The following SLC5A3 variants were observed in gnomAD, a reference collection of about 807,000 sequenced individuals.
SLC5A3 encodes the protein solute carrier family 5 member 3.
Under a neutral mutation model 43.2 loss-of-function variants are expected in SLC5A3, and 10 were observed. The ratio of observed to expected loss-of-function variants is 0.23; its 90% CI spans 0.14 to 0.39. The LOEUF (loss-of-function observed/expected upper bound fraction) is 0.39, where lower values mean the gene tolerates loss of function less well. SLC5A3 is among the 10% of genes least tolerant of loss of function. The pLI is 1.00. For missense variants in SLC5A3, 608 were observed against 893.4 expected (o/e 0.68, Z 4.07); for synonymous variants, 349 against 322.0 (o/e 1.08, Z -0.90).
intron 1 of SLC5A3, among the ~76,000 whole-genome samples, chr21:34,074,445 C>G (rs958685576): frequency 1.3e-5 from 2 of 152,228 alleles, no homozygotes; most frequent in African/African-American, 4.8e-5. Flanking sequence ...CCAGAAGACA[C>G]TTTCTTCCCC....
At chr21:34,075,649 A>G (rs1989311706) in intron 1 of SLC5A3, among the ~76,000 whole-genome samples, 1 of 152,242 alleles carries the variant, frequency 6.6e-6, no homozygotes, top group Non-Finnish European at 1.5e-5. Context: ...GTGGTGACTT[A>G]TGTACAATGG....
In SLC5A3 at chr21:34,098,211, G is replaced by A. The variant is rs1294037329; in HGVS notation, c.*856G>A. The A allele has an allele frequency of 2.0e-6, 2 of 999,308 alleles. No homozygotes were observed. The highest frequency in any genetic ancestry group is 4.7e-5 in the South Asian group (1 of 21,266). 61.9% of individuals were successfully genotyped at this position (999,308 alleles called of 1,614,324 possible). On this transcript the variant is annotated 3_prime_UTR_variant, in exon 2 of 2. Coordinates refer to ENST00000381151, the MANE Select transcript of SLC5A3 (RefSeq NM_006933.7). ...CCTAAGCAGTGTTTGATTAACTTAT[G>A]CTAATCAGATGATTACTCATATATT...
intron 1 of SLC5A3, among the ~76,000 whole-genome samples, chr21:34,078,320 G>A (rs1228777742): frequency 1.3e-5 from 2 of 152,136 alleles, no homozygotes; most frequent in Non-Finnish European, 2.9e-5. Context: ...TTGGGTTACA[G>A]CTTATTGCCG....
At chr21:34,078,016 A>T (rs1989374281) in intron 1 of SLC5A3, among the ~76,000 whole-genome samples, 2 of 152,166 alleles carry the variant, frequency 1.3e-5, no homozygotes, top group Admixed American at 1.3e-4. Flanking sequence ...CTGAAGTATG[A>T]GTCAGGTCAA....
At chr21:34,092,236 AGC>A (rs1346803348) in intron 1 of SLC5A3, among the ~76,000 whole-genome samples, 5 of 152,218 alleles carry the variant, frequency 3.3e-5, no homozygotes, top group African/African-American at 1.2e-4. Context: ...TGTAAAATAT[AGC>A]TGCATTGCAT....
At position 34,099,959 on chromosome 21, in the gene SLC5A3, A is replaced by T; in HGVS notation, c.*2604A>T. The T allele has an allele frequency of 2.2e-6, 1 of 453,636 alleles. No homozygotes were observed. The highest frequency in any genetic ancestry group is 3.0e-6 in the Non-Finnish European group (1 of 330,812). 28.1% of individuals were successfully genotyped at this position (453,636 alleles called of 1,614,324 possible). A position where few individuals can be genotyped will look rare whatever the true frequency, so the allele number is the denominator to read the frequency against. Reference sequence around the variant, plus strand: ...ACCAGTCTTCAATCTATATTTCATTAGAATGATTGTTCCTGGAATGATCAT... The same window carrying T: ...ACCAGTCTTCAATCTATATTTCATTTGAATGATTGTTCCTGGAATGATCAT... On this transcript the variant is annotated 3_prime_UTR_variant, in exon 2 of 2. Coordinates refer to ENST00000381151, the MANE Select transcript of SLC5A3 (RefSeq NM_006933.7).
At position 34,102,786 on chromosome 21, in the gene SLC5A3, A is replaced by G. The variant is rs559034080; in HGVS notation, c.*5431A>G. The G allele has an allele frequency of 9.5e-5, 95 of 1,000,124 alleles. No individual in the cohort carries two copies. Among genetic ancestry groups the G allele is most frequent in the African/African-American group, 9.1e-4 (52 of 57,352 alleles). 62.0% of individuals were successfully genotyped at this position (1,000,124 alleles called of 1,614,324 possible). A position where few individuals can be genotyped will look rare whatever the true frequency, so the allele number is the denominator to read the frequency against. On this transcript the variant is annotated 3_prime_UTR_variant, in exon 2 of 2. Coordinates refer to ENST00000381151, the MANE Select transcript of SLC5A3 (RefSeq NM_006933.7). ...TTGCTCTATACCACTGAAAAGCACT[A>G]TAACATAATTGTTGTCCATGATACT...
At chr21:34,083,292 G>A (rs1029244453) in intron 1 of SLC5A3, among the ~76,000 whole-genome samples, 1 of 152,146 alleles carries the variant, frequency 6.6e-6, no homozygotes. Context: ...TCCATGTGTC[G>A]TCTTTGCTTC....
rs936271925 is a variant in SLC5A3 at position 34,105,823 on chromosome 21, G to A, written c.*8468G>A. The A allele has an allele frequency of 1.5e-5, 15 of 995,694 alleles. No homozygotes were observed. The African/African-American group carries it at 2.5e-4, about 16-fold the overall frequency. The allele number at this position is 995,694 out of a possible 1,614,324, so 61.7% of individuals were successfully genotyped here. On this transcript the variant is annotated 3_prime_UTR_variant, in exon 2 of 2. Transcript: ENST00000381151. ...AGTTGCAAGCAGAAAGTAGAATTTG[G>A]TATAAAGCAGGTTATTTCTATATTG...
At position 34,100,680 on chromosome 21, in the gene SLC5A3, T is replaced by TA. The variant is rs1979196009; in HGVS notation, c.*3326dup. The TA allele has an allele frequency of 1.8e-5, 18 of 1,000,244 alleles. No individual in the cohort carries two copies. In the South Asian group the frequency reaches 7.5e-4, roughly 42 times the overall value. 62.0% of individuals were successfully genotyped at this position (1,000,244 alleles called of 1,614,324 possible). On this transcript the variant is annotated 3_prime_UTR_variant, in exon 2 of 2. Coordinates refer to ENST00000381151, the MANE Select transcript of SLC5A3 (RefSeq NM_006933.7). ...TTAAGAACTGAGTTGAGGGGGTTGT[T>TA]ATGCACTTCTGTAACTTGAGGCTAA...
Position 34,102,654 on chromosome 21 carries a change from C to T in SLC5A3, c.*5299C>T, listed in dbSNP as rs1262426442. The T allele has an allele frequency of 4.0e-6, 4 of 1,000,080 alleles. No homozygotes were observed. Among genetic ancestry groups the T allele is most frequent in the Non-Finnish European group, 4.8e-6 (4 of 829,818 alleles). 62.0% of individuals were successfully genotyped at this position (1,000,080 alleles called of 1,614,324 possible). Reference sequence around the variant, plus strand: ...TAAATTTGGTTACCTGGGTTCACAGCTTGCTTGAAGAGAAAGGATGCTAGA... The same window carrying T: ...TAAATTTGGTTACCTGGGTTCACAGTTTGCTTGAAGAGAAAGGATGCTAGA... On this transcript the variant is annotated 3_prime_UTR_variant, in exon 2 of 2. Transcript: ENST00000381151.
intron 1 of SLC5A3, among the ~76,000 whole-genome samples, chr21:34,076,392 T>TG (rs1239664094): frequency 6.6e-6 from 1 of 152,202 alleles, no homozygotes; most frequent in Non-Finnish European, 1.5e-5. Flanking sequence ...CAAAGTCAGT[T>TG]GCGGGAATGC....
In SLC5A3 at chr21:34,101,712, AC is replaced by A. The variant is rs1979245138; in HGVS notation, c.*4358del. ...GTGATGTTTTGCCCCAGTATTGAGGACTTTTAGATCCAAATAATGACTCATT... is the reference window on the plus strand; with the variant it reads ...GTGATGTTTTGCCCCAGTATTGAGGATTTTAGATCCAAATAATGACTCATT... On this transcript the variant is annotated 3_prime_UTR_variant, in exon 2 of 2. Coordinates refer to ENST00000381151, the MANE Select transcript of SLC5A3 (RefSeq NM_006933.7). 2 of 996,932 alleles carry A rather than the reference AC, an allele frequency of 2.0e-6. No individual in the cohort carries two copies. The highest frequency in any genetic ancestry group is 3.5e-5 in the African/African-American group (2 of 57,172). 61.8% of individuals were successfully genotyped at this position (996,932 alleles called of 1,614,324 possible). A position where few individuals can be genotyped will look rare whatever the true frequency, so the allele number is the denominator to read the frequency against.
At position 34,099,893 on chromosome 21, in the gene SLC5A3, C is replaced by G. The variant is rs925652667; in HGVS notation, c.*2538C>G. ...GCTTCCCAGTAATAGATAATGTGCTCGAGTAAGTTTGTGAATTGCTGATTG... is the reference window on the plus strand; with the variant it reads ...GCTTCCCAGTAATAGATAATGTGCTGGAGTAAGTTTGTGAATTGCTGATTG... On this transcript the variant is annotated 3_prime_UTR_variant, in exon 2 of 2. Transcript: ENST00000381151. The G allele has an allele frequency of 5.6e-6, 2 of 358,332 alleles. No homozygotes were observed. Among genetic ancestry groups the G allele is most frequent in the South Asian group, 1.2e-4 (1 of 8,596 alleles). The allele number at this position is 358,332 out of a possible 1,614,324, so 22.2% of individuals were successfully genotyped here. A position where few individuals can be genotyped will look rare whatever the true frequency, so the allele number is the denominator to read the frequency against.
At position 34,073,612 on chromosome 21, in the gene SLC5A3, T is replaced by G. The variant is rs980782884; in HGVS notation, c.-470T>G. 4.2e-6 allele frequency: 5 copies of G among 1,195,524 alleles called. No homozygotes were observed. The African/African-American group carries it at 8.1e-5, about 19-fold the overall frequency. 74.1% of individuals were successfully genotyped at this position (1,195,524 alleles called of 1,614,324 possible). A position where few individuals can be genotyped will look rare whatever the true frequency, so the allele number is the denominator to read the frequency against. On this transcript the variant is annotated 5_prime_UTR_variant, in exon 1 of 2. Coordinates refer to ENST00000381151, the MANE Select transcript of SLC5A3 (RefSeq NM_006933.7). ...GCCTGGGAGCCGTCCGGCGCAGCAG[T>G]TTCTAGGTCCCCACTGTCCCCGCCG...
In SLC5A3 at chr21:34,103,314, G is replaced by GT. The variant is rs1556006324; in HGVS notation, c.*5960dup. 6 of 520,432 alleles carry GT rather than the reference G, an allele frequency of 1.2e-5. No homozygotes were observed. In the East Asian group the frequency reaches 8.4e-4, roughly 73 times the overall value. The allele number at this position is 520,432 out of a possible 1,614,324, so 32.2% of individuals were successfully genotyped here. On this transcript the variant is annotated 3_prime_UTR_variant, in exon 2 of 2. Transcript: ENST00000381151. ...AATTTTGTCGTAACTAGTGAAGGAA[G>GT]TAAAAAAAAAAAAAAAACATGCATT...
At chr21:34,084,971 C>T (rs1186810776) in intron 1 of SLC5A3, among the ~76,000 whole-genome samples, 1 of 151,534 alleles carries the variant, frequency 6.6e-6, no homozygotes, top group Non-Finnish European at 1.5e-5. Flanking sequence ...CTTGACATAC[C>T]TTTCTTAGGA....
At chr21:34,085,185 A>G (rs1439933549) in intron 1 of SLC5A3, among the ~76,000 whole-genome samples, 1 of 152,328 alleles carries the variant, frequency 6.6e-6, no homozygotes, top group African/African-American at 2.4e-5. Context: ...TTTGTCATTA[A>G]TAACAGTGGC....
chr21:34,076,481 T>C lies in SLC5A3; in HGVS notation c.-337+2736T>C, dbSNP rs150994351. 1.9e-3 allele frequency among the ~76,000 whole-genome samples: 282 copies of C among 152,302 alleles called. 3 individuals are homozygous for C. The highest frequency in any genetic ancestry group is 6.5e-3 in the African/African-American group (272 of 41,558). ...AGTTGTACAATTAGTCACCCAGAAATTCCAATACTATGTTTTTCTCAGTTT... is the reference window on the plus strand; with the variant it reads ...AGTTGTACAATTAGTCACCCAGAAACTCCAATACTATGTTTTTCTCAGTTT... On this transcript the variant is annotated intron_variant, in intron 1 of 1. Coordinates refer to ENST00000381151, the MANE Select transcript of SLC5A3 (RefSeq NM_006933.7).
Sources: allele counts gnomAD v4.1 joint callset (sites outside exome capture counted in the v4.1 genomes callset), GRCh38; gene constraint gnomAD v4.1.1; transcripts MANE v1.5; gene names NCBI Gene and HGNC (gene_info 2026-07-23, HGNC 2026-07-21).